Variants in CNBD1 observed in about 807,000 individuals in gnomAD.
The protein encoded by CNBD1 is cyclic nucleotide-binding domain-containing protein 1.
Under a neutral mutation model 54.4 loss-of-function variants are expected in CNBD1, and 71 were observed. That is an observed-to-expected ratio of 1.30 (90% CI 1.08 to 1.59). The LOEUF (loss-of-function observed/expected upper bound fraction) is 1.59. Among genes scored for constraint, CNBD1 ranks in the 40% most tolerant of loss-of-function variants. The probability of loss-of-function intolerance (pLI) is 0.00; values close to 1 mark genes in which losing one functional copy is unlikely to be tolerated. For synonymous variants in CNBD1, 182 were observed against 170.7 expected (o/e 1.07, Z -0.51); for missense variants, 659 against 518.0 (o/e 1.27, Z -2.64).
At chr8:87,413,908 T>C (rs563536652) in intron 2 of CNBD1, among the ~76,000 whole-genome samples, 3 of 151,060 alleles carry the variant, frequency 2.0e-5, no homozygotes, top group East Asian at 3.9e-4. Flanking sequence ...ATAGGAACAC[T>C]TTTACACTGT....
intron 4 of CNBD1, among the ~76,000 whole-genome samples, chr8:87,132,435 A>T (rs914154786): frequency 6.6e-6 from 1 of 151,152 alleles, no homozygotes; most frequent in African/African-American, 2.4e-5. Flanking sequence ...AAGACAGAGA[A>T]AAGAAAAAGA....
intron 4 of CNBD1, among the ~76,000 whole-genome samples, chr8:86,954,990 C>CA (rs1195700194): frequency 1.4e-5 from 2 of 139,602 alleles, no homozygotes; most frequent in East Asian, 4.7e-4. Flanking sequence ...CCCCTCCCCC[C>CA]ACTCCATGAC....
intron 8 of CNBD1, among the ~76,000 whole-genome samples, chr8:87,295,463 A>C (rs1175674328): frequency 6.6e-6 from 1 of 151,954 alleles, no homozygotes; most frequent in Non-Finnish European, 1.5e-5. Context: ...AATTAAAATA[A>C]ATTAAGAATT....
In CNBD1 at chr8:86,950,217, C is replaced by T. The variant is rs112716216; in HGVS notation, c.431+10463C>T. ...CTGGGATTACAGGTGCGTGCCACCA[C>T]GCCTGGCAAATTTTTGTATTTTTAG... On this transcript the variant is annotated intron_variant, in intron 4 of 10. Transcript: ENST00000518476. 3.0e-3 allele frequency among the ~76,000 whole-genome samples: 450 copies of T among 151,756 alleles called. 3 individuals carry two copies. The highest frequency in any genetic ancestry group is 0.01 in the African/African-American group (426 of 41,362).
intron 4 of CNBD1, among the ~76,000 whole-genome samples, chr8:87,013,094 T>C (rs1484430987): frequency 1.3e-5 from 2 of 152,148 alleles, no homozygotes; most frequent in East Asian, 1.9e-4. Context: ...CCCAAAGGAG[T>C]TGACTGAAAG....
chr8:87,193,017 G>A (rs576084313), intron 4 of CNBD1, among the ~76,000 whole-genome samples: 1 of 152,136 alleles, frequency 6.6e-6, no homozygotes, highest in African/African-American at 2.4e-5. Flanking sequence ...AATCTTATAT[G>A]TAGGAAGGAT....
At chr8:87,030,617 G>A (rs989676950) in intron 4 of CNBD1, among the ~76,000 whole-genome samples, 1 of 152,032 alleles carries the variant, frequency 6.6e-6, no homozygotes, top group Admixed American at 6.6e-5. Flanking sequence ...AAAATAGACA[G>A]TGTATTTTAA....
chr8:87,295,978 G>C (rs141396034), intron 8 of CNBD1, among the ~76,000 whole-genome samples: 1 of 151,786 alleles, frequency 6.6e-6, no homozygotes, highest in African/African-American at 2.4e-5. Flanking sequence ...CTTATGTTTC[G>C]CTATGAATAT....
At chr8:87,050,949 T>C (rs1810298844) in intron 4 of CNBD1, among the ~76,000 whole-genome samples, 1 of 152,190 alleles carries the variant, frequency 6.6e-6, no homozygotes, top group Non-Finnish European at 1.5e-5. Context: ...AAGGTGAATC[T>C]GGACTGGTAT....
chr8:87,241,168 A>G (rs1807693007), intron 6 of CNBD1, among the ~76,000 whole-genome samples: 1 of 151,948 alleles, frequency 6.6e-6, no homozygotes, highest in African/African-American at 2.4e-5. Flanking sequence ...TTGAATTTAC[A>G]GTTGAAGGAG....
intron 4 of CNBD1, among the ~76,000 whole-genome samples, chr8:87,052,207 C>A (rs1295020197): frequency 6.6e-6 from 1 of 152,196 alleles, no homozygotes; most frequent in Non-Finnish European, 1.5e-5. Context: ...TTGTAAAAGA[C>A]CAAGGTGGCC....
chr8:87,074,744 G>A (rs998692614), intron 4 of CNBD1, among the ~76,000 whole-genome samples: 7 of 152,070 alleles, frequency 4.6e-5, no homozygotes, highest in African/African-American at 9.7e-5. Flanking sequence ...TTCATTCTCC[G>A]TGGGTCAGCT....
intron 8 of CNBD1, among the ~76,000 whole-genome samples, chr8:87,289,209 CA>C (rs2130873342): frequency 6.6e-6 from 1 of 152,174 alleles, no homozygotes; most frequent in Non-Finnish European, 1.5e-5. Context: ...GTTAATTATT[CA>C]AAAGCTTGAT....
chr8:86,882,887 C>T (rs948241788), intron 1 of CNBD1, among the ~76,000 whole-genome samples: 3 of 152,174 alleles, frequency 2.0e-5, no homozygotes, highest in Non-Finnish European at 2.9e-5. Flanking sequence ...GGATGGATTT[C>T]GAGGCCATCA....
At chr8:87,190,074 A>G (rs192826560) in intron 4 of CNBD1, among the ~76,000 whole-genome samples, 1 of 152,262 alleles carries the variant, frequency 6.6e-6, no homozygotes, top group East Asian at 1.9e-4. Flanking sequence ...AAGGTCCAAG[A>G]GCTTGCCTGT....
At chr8:87,286,272 G>C (rs990319344) in intron 7 of CNBD1, among the ~76,000 whole-genome samples, 6 of 151,830 alleles carry the variant, frequency 4.0e-5, no homozygotes, top group South Asian at 2.1e-4. Context: ...ACTATGACAG[G>C]GTTTTTAAAA....
In CNBD1 at chr8:86,922,448, T is replaced by A. The variant is rs184937502; in HGVS notation, c.273-17148T>A. On this transcript the variant is annotated intron_variant, in intron 3 of 10. Coordinates refer to ENST00000518476, the MANE Select transcript of CNBD1 (RefSeq NM_173538.3). ...GAAGGAAGGAAGAAGAAAGTTTGTA[T>A]TAATAGAAATCTAACATTGTCTCTG... Among the ~76,000 whole-genome samples, 5 of 152,236 alleles carry A rather than the reference T, an allele frequency of 3.3e-5. No individual in the cohort carries two copies. The East Asian group carries it at 7.7e-4, about 24-fold the overall frequency.
intron 2 of CNBD1, among the ~76,000 whole-genome samples, chr8:86,896,287 G>A (rs1808847075): frequency 6.6e-6 from 1 of 152,036 alleles, no homozygotes; most frequent in Non-Finnish European, 1.5e-5. Context: ...GGGGGTACAT[G>A]TGATACCCCC....
chr8:87,408,378 T>G (rs1315045594), intron 2 of CNBD1, among the ~76,000 whole-genome samples: 2 of 151,784 alleles, frequency 1.3e-5, no homozygotes, highest in African/African-American at 2.4e-5. Flanking sequence ...TGTTGCTTTA[T>G]TTTTAGATAC....
Sources: allele counts gnomAD v4.1 joint callset (sites outside exome capture counted in the v4.1 genomes callset), GRCh38; gene constraint gnomAD v4.1.1; transcripts MANE v1.5; gene names NCBI Gene and HGNC (gene_info 2026-07-23, HGNC 2026-07-21).